The following ALDH3A2 variants were observed in gnomAD, a reference collection of about 807,000 sequenced individuals.
The protein encoded by ALDH3A2 is aldehyde dehydrogenase 3 family member A2.
A neutral mutation model predicts 51.3 loss-of-function variants in ALDH3A2; 36 were observed. The ratio of observed to expected loss-of-function variants is 0.70; its 90% confidence interval spans 0.54 to 0.93. The LOEUF is 0.93. Among genes scored for constraint, ALDH3A2 ranks in the 40% least tolerant of loss-of-function variants. The pLI is 0.00. For synonymous variants in ALDH3A2, 199 were observed against 219.8 expected, an observed-to-expected ratio of 0.91 and a Z score of 0.84; for missense variants, 552 against 603.1, an observed-to-expected ratio of 0.92 and a Z score of 0.89.
chr17:19,653,395 G>A lies in ALDH3A2; in HGVS notation c.471+763G>A, dbSNP rs146688300. Among the ~76,000 whole-genome samples, 754 of 152,220 alleles carry A rather than the reference G, an allele frequency of 5.0e-3. 7 individuals are homozygous for A. The highest frequency in any genetic ancestry group is 0.017 in the African/African-American group (710 of 41,538). ...TCACTGACTTCAAGAATGAAGCCGC[G>A]GACCCTTGCAGTGAGTGTTACAGTT... On this transcript the variant is annotated intron_variant, in intron 3 of 9. Coordinates refer to ENST00000176643, the MANE Select transcript of ALDH3A2 (RefSeq NM_000382.3).
In ALDH3A2 at chr17:19,672,248, C is replaced by T. The variant is rs186150787; in HGVS notation, c.1443+292C>T. On this transcript the variant is annotated intron_variant, in intron 9 of 9. Transcript: ENST00000176643. ...TTATTACAGAAAAGTTTGCTGATCT[C>T]TGGTCTAAGAGATTAAAACAGCGTA... 2.9e-4 allele frequency: 139 copies of T among 477,894 alleles called. No individual in the cohort carries two copies. The East Asian group carries it at 4.8e-3, about 17-fold the overall frequency. The allele number at this position is 477,894 out of a possible 1,614,324, so 29.6% of individuals were successfully genotyped here.
chr17:19,648,894 C>T lies in ALDH3A2; in HGVS notation c.-78C>T, dbSNP rs900520443. 4.0e-6 allele frequency: 6 copies of T among 1,513,628 alleles called. No homozygotes were observed. The highest frequency in any genetic ancestry group is 2.3e-4 in the Middle Eastern group (1 of 4,304). The allele number at this position is 1,513,628 out of a possible 1,614,324, so 93.8% of individuals were successfully genotyped here. A position where few individuals can be genotyped will look rare whatever the true frequency, so the allele number is the denominator to read the frequency against. ...CGGAGGGAGGCGGAGGGAAGGGAGGCGAGGCCTGCACCTGCATGCTTCCCG... is the reference window on the plus strand; with the variant it reads ...CGGAGGGAGGCGGAGGGAAGGGAGGTGAGGCCTGCACCTGCATGCTTCCCG... On this transcript the variant is annotated 5_prime_UTR_variant, in exon 1 of 10. Transcript: ENST00000176643.
At chr17:19,652,084 C>T (rs2084823513) in intron 2 of ALDH3A2, among the ~76,000 whole-genome samples, 1 of 152,196 alleles carries the variant, frequency 6.6e-6, no homozygotes, top group Non-Finnish European at 1.5e-5. Context: ...GTTGCTGGCT[C>T]TGGCTTCGGA....
chr17:19,673,197 T>A, intron 9 of ALDH3A2: 3 of 1,614,206 alleles, frequency 1.9e-6, no homozygotes, highest in Non-Finnish European at 2.5e-6. Context: ...ATTTTTCTGG[T>A]AGTTCACAGA....
chr17:19,673,396 T>G (rs1597575210), intron 9 of ALDH3A2: 3 of 1,000,810 alleles, frequency 3.0e-6, no homozygotes, highest in East Asian at 2.9e-5. Context: ...GTTTTTTTTT[T>G]GCTACAGTTG....
intron 6 of ALDH3A2, chr17:19,661,477 T>C (rs2084965875): frequency 5.1e-6 from 3 of 583,100 alleles, no homozygotes; most frequent in Non-Finnish European, 5.9e-6. Context: ...CCACCAGCGT[T>C]GCTCCAGTTG....
chr17:19,664,048 C>T (rs534740593), intron 7 of ALDH3A2, among the ~76,000 whole-genome samples: 2 of 152,258 alleles, frequency 1.3e-5, no homozygotes, highest in South Asian at 2.1e-4. Context: ...GGTGACCAGC[C>T]GCTACTAAGA....
At chr17:19,671,598 A>C in intron 8 of ALDH3A2, 123 bp from the exon 9 acceptor site, 1 of 834,428 alleles carries the variant, frequency 1.2e-6, no homozygotes, top group Non-Finnish European at 2.1e-6. Flanking sequence ...TTCAGCTGGC[A>C]GAGATGTTCA....
chr17:19,663,954 A>G (rs1274678262), intron 7 of ALDH3A2, among the ~76,000 whole-genome samples: 27 of 152,198 alleles, frequency 1.8e-4, no homozygotes, highest in Admixed American at 1.8e-3. Flanking sequence ...ACATGACGCT[A>G]GCTTCTTGTT....
Position 19,653,538 on chromosome 17 carries a change from GGTGA to G in ALDH3A2, c.471+910_471+913del, listed in dbSNP as rs557081538. Among the ~76,000 whole-genome samples the G allele has an allele frequency of 3.4e-4, 52 of 151,660 alleles. No individual in the cohort carries two copies. In the South Asian group the frequency reaches 0.011, roughly 31 times the overall value. On this transcript the variant is annotated intron_variant, in intron 3 of 9. Coordinates refer to ENST00000176643, the MANE Select transcript of ALDH3A2 (RefSeq NM_000382.3). Reference sequence around the variant, plus strand: ...CAGGAGTGAAGCTGCAGACCTTCGTGGTGAGTGTTACAGCTCTTAAGGCGGCGCA... The same window carrying G: ...CAGGAGTGAAGCTGCAGACCTTCGTGGTGTTACAGCTCTTAAGGCGGCGCA...
At chr17:19,653,363 C>A (rs951110851) in intron 3 of ALDH3A2, among the ~76,000 whole-genome samples, 2 of 152,110 alleles carry the variant, frequency 1.3e-5, no homozygotes, top group African/African-American at 4.8e-5. Flanking sequence ...TTGGTGGGTT[C>A]TCGGTCTCAC....
chr17:19,651,513 C>G, intron 1 of ALDH3A2, 34 bp from the exon 2 acceptor site: 1 of 1,549,116 alleles, frequency 6.5e-7, no homozygotes, highest in Non-Finnish European at 8.9e-7. Context: ...ATCATACTTA[C>G]TCTGCAAGAT....
chr17:19,670,389 A>T (rs1298493513), intron 8 of ALDH3A2, among the ~76,000 whole-genome samples: 1 of 151,518 alleles, frequency 6.6e-6, no homozygotes, highest in African/African-American at 2.4e-5. Context: ...CTTTTTATTT[A>T]TTTTTTGAGA....
At chr17:19,648,667 CG>C (rs1164206554), upstream of ALDH3A2, 4 of 462,520 alleles carry the variant, frequency 8.6e-6, no homozygotes, top group Non-Finnish European at 1.6e-5. Flanking sequence ...GGGGAGAGGG[CG>C]GGGGCCGCGT....
chr17:19,664,129 A>C (rs2085004363), intron 7 of ALDH3A2, among the ~76,000 whole-genome samples: 1 of 152,194 alleles, frequency 6.6e-6, no homozygotes, highest in Non-Finnish European at 1.5e-5. Flanking sequence ...CAGCTTTTGG[A>C]GCTTGTGAGA....
At chr17:19,662,538 T>C (rs144836063) in intron 6 of ALDH3A2, among the ~76,000 whole-genome samples, 5 of 152,170 alleles carry the variant, frequency 3.3e-5, no homozygotes, top group South Asian at 2.1e-4. Context: ...GTGACTTACA[T>C]TGGCAGCAGA....
At chr17:19,674,291 G>T (rs2085159633) in intron 9 of ALDH3A2, 1 of 152,100 alleles carries the variant, frequency 6.6e-6, no homozygotes, top group African/African-American at 2.4e-5. Flanking sequence ...TGGTAGGATA[G>T]AATATTTTAG....
In ALDH3A2 at chr17:19,676,667, A is replaced by C. The variant is rs11548343; in HGVS notation, c.*1095A>C. On this transcript the variant is annotated 3_prime_UTR_variant, in exon 10 of 10. Transcript: ENST00000176643. ...GACCCTGTCTCCGAAACAAATAAAA[A>C]ATACTGTAATAAAAGTACTTATAAA... The C allele has an allele frequency of 1.2e-3, 179 of 152,334 alleles. 1 individual carries two copies. Among genetic ancestry groups the C allele is most frequent in the African/African-American group, 3.8e-3 (157 of 41,572 alleles). 9.4% of individuals were successfully genotyped at this position (152,334 alleles called of 1,614,324 possible).
At chr17:19,667,362 T>C (rs2085052761) in intron 8 of ALDH3A2, among the ~76,000 whole-genome samples, 1 of 152,200 alleles carries the variant, frequency 6.6e-6, no homozygotes, top group South Asian at 2.1e-4. Context: ...TCTTATATAA[T>C]GTATCTTTAT....
Sources: gnomAD v4.1 joint callset for allele counts (sites outside exome capture counted in the v4.1 genomes callset) on GRCh38, gnomAD v4.1.1 for gene constraint, MANE v1.5 for transcripts, NCBI Gene and HGNC (gene_info 2026-07-23, HGNC 2026-07-21) for gene names.